The following ARFGAP1 variants were observed in gnomAD, a reference collection of about 807,000 sequenced individuals.
ARFGAP1 encodes the protein ADP-ribosylation factor GTPase-activating protein 1.
Under a neutral mutation model 54.0 loss-of-function variants are expected in ARFGAP1, and 26 were observed. The observed-to-expected ratio is 0.48, with a 90% CI of 0.35 to 0.67. The LOEUF (loss-of-function observed/expected upper bound fraction) is 0.67. Ranked by LOEUF, ARFGAP1 falls within the 30% of genes least tolerant of loss-of-function variation. The pLI is 0.00. For missense variants in ARFGAP1, 525 were observed against 535.8 expected (o/e 0.98, Z 0.20); for synonymous variants, 248 against 211.9 (o/e 1.17, Z -1.48).
chr20:63,278,286 G>A (rs943223027), intron 6 of ARFGAP1, 83 bp downstream of exon 6: 2 of 1,437,110 alleles, frequency 1.4e-6, no homozygotes, highest in Admixed American at 1.7e-5. Flanking sequence ...TTCCCTTGGG[G>A]CCTCCCATGT....
At chr20:63,275,779 G>A (rs2067220332) in intron 2 of ARFGAP1, 139 bp downstream of exon 2, 1 of 858,776 alleles carries the variant, frequency 1.2e-6, no homozygotes, top group South Asian at 1.5e-5. Flanking sequence ...TGCATGGCTT[G>A]TGCTGGCTGG....
rs149618015 is a variant in ARFGAP1 at position 63,278,442 on chromosome 20, C to T, written c.530+239C>T. ...GAATTGGGGGGTCTTAGATGTATTGCAGTGACCCCCAGCTGCCCAGGTGTG... is the reference window on the plus strand; with the variant it reads ...GAATTGGGGGGTCTTAGATGTATTGTAGTGACCCCCAGCTGCCCAGGTGTG... On this transcript the variant is annotated intron_variant, in intron 6 of 12. Coordinates refer to ENST00000370283, the MANE Select transcript of ARFGAP1 (RefSeq NM_018209.4). 863 of 508,546 alleles carry T rather than the reference C, an allele frequency of 1.7e-3. 6 individuals carry two copies. Among genetic ancestry groups the T allele is most frequent in the Non-Finnish European group, 2.3e-3 (650 of 281,236 alleles). 31.5% of individuals were successfully genotyped at this position (508,546 alleles called of 1,614,324 possible).
At chr20:63,286,171 C>G in intron 11 of ARFGAP1, 195 bp from the exon 12 acceptor site, 1 of 1,550,082 alleles carries the variant, frequency 6.5e-7, no homozygotes, top group South Asian at 1.2e-5. Context: ...GCTGCCATGT[C>G]CCGCACACAC....
chr20:63,285,563 G>A, intron 10 of ARFGAP1, 91 bp from the exon 11 acceptor site: 1 of 1,370,386 alleles, frequency 7.3e-7, no homozygotes, highest in East Asian at 2.3e-5. Context: ...TGATATTTCG[G>A]ATGCCCTCAC....
chr20:63,289,448 A>G lies in ARFGAP1; in HGVS notation c.*1575A>G, dbSNP rs564362721. ...TGGACAGTGGGATGTGGTGTTCCAC[A>G]TGTGCCTGTTTCCACGCCAGCACCT... On this transcript the variant is annotated 3_prime_UTR_variant, in exon 13 of 13. Transcript: ENST00000370283. 3 of 152,412 alleles carry G rather than the reference A, an allele frequency of 2.0e-5. No individual in the cohort carries two copies. The highest frequency in any genetic ancestry group is 6.5e-5 in the Admixed American group (1 of 15,308). The allele number at this position is 152,412 out of a possible 1,614,324, so 9.4% of individuals were successfully genotyped here. A position where few individuals can be genotyped will look rare whatever the true frequency, so the allele number is the denominator to read the frequency against.
chr20:63,283,938 C>T (rs747562541), intron 9 of ARFGAP1: 1 of 1,607,910 alleles, frequency 6.2e-7, no homozygotes, highest in Non-Finnish European at 8.5e-7. Flanking sequence ...ATGTGCTTGG[C>T]TTCCTCTGTC....
At chr20:63,285,360 G>C (rs1403927385) in intron 10 of ARFGAP1, 2 of 530,606 alleles carry the variant, frequency 3.8e-6, no homozygotes, top group African/African-American at 3.8e-5. Context: ...GCCTGACTGG[G>C]ACAAGTGGGG....
Position 63,287,934 on chromosome 20 carries a change from G to A in ARFGAP1, c.*61G>A, listed in dbSNP as rs530640554. The A allele has an allele frequency of 1.0e-4, 146 of 1,436,108 alleles. No individual in the cohort carries two copies. Among genetic ancestry groups the A allele is most frequent in the Non-Finnish European group, 1.2e-4 (136 of 1,090,196 alleles). The allele number at this position is 1,436,108 out of a possible 1,614,324, so 89.0% of individuals were successfully genotyped here. Reference sequence around the variant, plus strand: ...GACTTCGTGTTTGCACTCTGCCCTCGTCGTTCCTCCTCCTTCCATTTGACC... The same window carrying A: ...GACTTCGTGTTTGCACTCTGCCCTCATCGTTCCTCCTCCTTCCATTTGACC... On this transcript the variant is annotated 3_prime_UTR_variant, in exon 13 of 13. Transcript: ENST00000370283.
intron 10 of ARFGAP1, among the ~76,000 whole-genome samples, chr20:63,285,258 G>A (rs777800334): frequency 2.6e-5 from 4 of 152,080 alleles, no homozygotes; most frequent in Admixed American, 6.5e-5. Context: ...ACAGCTGGCC[G>A]CGGAGCTGTG....
At chr20:63,284,332 G>A in intron 9 of ARFGAP1, 1 of 1,068,498 alleles carries the variant, frequency 9.4e-7, no homozygotes, top group South Asian at 3.4e-5. Flanking sequence ...CTGCCTTTGG[G>A]GGAAGAGGAG....
chr20:63,279,268 C>T (rs746304457), intron 7 of ARFGAP1: 13 of 534,962 alleles, frequency 2.4e-5, no homozygotes, highest in South Asian at 1.4e-4. Flanking sequence ...GGCAGTGGTG[C>T]GACCTCAGCT....
At chr20:63,282,758 G>A (rs573959211) in intron 8 of ARFGAP1, 61 bp from the exon 9 acceptor site, 1 of 1,587,922 alleles carries the variant, frequency 6.3e-7, no homozygotes, top group East Asian at 2.2e-5. Context: ...TGGGCCCTGA[G>A]GAAGGATGCC....
At chr20:63,275,970 C>T (rs2067224989) in intron 2 of ARFGAP1, 121 bp from the exon 3 acceptor site, 1 of 876,968 alleles carries the variant, frequency 1.1e-6, no homozygotes, top group Non-Finnish European at 1.9e-6. Flanking sequence ...TGCCCTGACC[C>T]ACACCCCCGG....
chr20:63,275,299 AATAAGCTT>A (rs774509612), intron 1 of ARFGAP1, among the ~76,000 whole-genome samples: 1 of 152,196 alleles, frequency 6.6e-6, no homozygotes, highest in Non-Finnish European at 1.5e-5. Flanking sequence ...CTTGGTGATG[AATAAGCTT>A]AAGCAAAGCG....
chr20:63,279,736 T>G (rs554167213), intron 7 of ARFGAP1, among the ~76,000 whole-genome samples: 1 of 152,250 alleles, frequency 6.6e-6, no homozygotes, highest in African/African-American at 2.4e-5. Flanking sequence ...GCCTGGAAGC[T>G]CCAGGTCAGA....
At chr20:63,286,179 C>CA (rs1442920332) in intron 11 of ARFGAP1, 187 bp from the exon 12 acceptor site, 1 of 1,549,762 alleles carries the variant, frequency 6.5e-7, no homozygotes, top group Non-Finnish European at 8.7e-7. Flanking sequence ...GTCCCGCACA[C>CA]ACCTGGCACC....
rs1434824872 is a variant in ARFGAP1 at position 63,288,313 on chromosome 20, T to G, written c.*440T>G. On this transcript the variant is annotated 3_prime_UTR_variant, in exon 13 of 13. Transcript: ENST00000370283. ...TTTAACTTTGGTTTTGCTCTAGTTC[T>G]TTCTTTTTGAAGAGAGTGACTGGAG... 3 of 465,762 alleles carry G rather than the reference T, an allele frequency of 6.4e-6. No individual in the cohort carries two copies. The highest frequency in any genetic ancestry group is 1.3e-5 in the Non-Finnish European group (3 of 233,684). The allele number at this position is 465,762 out of a possible 1,614,324, so 28.9% of individuals were successfully genotyped here.
At chr20:63,283,583 C>T (rs1038683712) in intron 9 of ARFGAP1, 5 of 498,218 alleles carry the variant, frequency 1.0e-5, no homozygotes, top group African/African-American at 5.9e-5. Flanking sequence ...GGGAGTCTCC[C>T]CACGTGCCCA....
Position 63,288,858 on chromosome 20 carries a change from G to A in ARFGAP1, c.*985G>A, listed in dbSNP as rs1479656323. Reference sequence around the variant, plus strand: ...CTGCCCTGTGTGACCCTCAGTCTTGGCCAGCCATGCATGCGCCCGAAGCTC... The same window carrying A: ...CTGCCCTGTGTGACCCTCAGTCTTGACCAGCCATGCATGCGCCCGAAGCTC... On this transcript the variant is annotated 3_prime_UTR_variant, in exon 13 of 13. Coordinates refer to ENST00000370283, the MANE Select transcript of ARFGAP1 (RefSeq NM_018209.4). 3.5e-6 allele frequency: 1 copy of A among 286,524 alleles called. No homozygotes were observed. The highest frequency in any genetic ancestry group is 4.4e-5 in the Admixed American group (1 of 22,924). The allele number at this position is 286,524 out of a possible 1,614,324, so 17.7% of individuals were successfully genotyped here.
Sources: gnomAD v4.1 joint callset for allele counts (sites outside exome capture counted in the v4.1 genomes callset) on GRCh38, gnomAD v4.1.1 for gene constraint, MANE v1.5 for transcripts, NCBI Gene and HGNC (gene_info 2026-07-23, HGNC 2026-07-21) for gene names.